The following GRIN2B variants were observed in gnomAD, a reference collection of about 807,000 sequenced individuals.
The protein encoded by GRIN2B is glutamate ionotropic receptor NMDA type subunit 2B.
A neutral mutation model predicts 114.5 loss-of-function variants in GRIN2B; 5 were observed. The observed-to-expected ratio is 0.04, with a 90% CI of 0.02 to 0.09. The LOEUF is 0.09. Ranked by LOEUF, GRIN2B falls within the 10% of genes least tolerant of loss-of-function variation. The pLI, the probability that GRIN2B is intolerant of heterozygous loss-of-function variation, is 1.00. For synonymous variants in GRIN2B, 787 were observed against 745.1 expected (o/e 1.06, Z -0.92); for missense variants, 1,108 against 1,943.5 (o/e 0.57, Z 8.08).
intron 2 of GRIN2B, among the ~76,000 whole-genome samples, chr12:13,892,455 C>T (rs1015661972): frequency 6.6e-6 from 1 of 152,182 alleles, no homozygotes; most frequent in Admixed American, 6.5e-5. Context: ...GATTTATCCT[C>T]CCTATGCTGG....
At position 13,617,256 on chromosome 12, in the gene GRIN2B, G is replaced by T. The variant is rs1805539; in HGVS notation, c.1126-599C>A. On this transcript the variant is annotated intron_variant, in intron 5 of 13. Transcript: ENST00000609686. ...GATTAAAGAATACTAACACTGTTTG[G>T]GAAGGGAGCACAGTTAGGCTGGGGA... is the stretch of plus-strand genomic sequence containing the variant. Among the ~76,000 whole-genome samples the T allele has an allele frequency of 3.9e-4, 59 of 152,172 alleles. 1 individual carries two copies. The East Asian group carries it at 0.01, about 26-fold the overall frequency.
Position 13,562,878 on chromosome 12 carries a change from G to A in GRIN2B, c.4360C>T (p.Pro1454Ser), listed in dbSNP as rs1948565765. ...KDICIGNQSN[P>S]CVPNNKNPRA... ...GGGTTTTTGTTGTTAGGCACACAGG[G>A]GTTGGACTGGTTCCCTATACAGATG... The change falls in exon 14 of 14, where the codon CCC becomes TCC. Residue 1454 changes from proline to serine, a missense_variant. By Grantham distance (74) the Pro-to-Ser change is moderately conservative. Around this residue, in one of 19 missense-constraint regions of GRIN2B, gnomAD observed 478 missense variants for 506.0 expected, o/e 0.94. Coordinates refer to ENST00000609686, the MANE Select transcript of GRIN2B (RefSeq NM_000834.5). The A allele has an allele frequency of 5.6e-6, 9 of 1,613,968 alleles. No individual in the cohort carries two copies. Among genetic ancestry groups the A allele is most frequent in the African/African-American group, 1.3e-5 (1 of 74,930 alleles).
chr12:13,740,013 C>T (rs983367154), intron 4 of GRIN2B, among the ~76,000 whole-genome samples: 1 of 152,102 alleles, frequency 6.6e-6, no homozygotes, highest in African/African-American at 2.4e-5. Context: ...TTTGAGTTTG[C>T]AGGTGGCCAA....
chr12:13,818,788 TTCATG>T (rs1864876895), intron 3 of GRIN2B, among the ~76,000 whole-genome samples: 1 of 152,202 alleles, frequency 6.6e-6, no homozygotes, highest in Non-Finnish European at 1.5e-5. Flanking sequence ...CTTTGGAGCC[TTCATG>T]AGTGTTTCAC....
At chr12:13,587,597 T>C (rs1025905618) in intron 10 of GRIN2B, among the ~76,000 whole-genome samples, 36 of 152,104 alleles carry the variant, frequency 2.4e-4, no homozygotes, top group African/African-American at 8.2e-4. Context: ...TCAAGTGATC[T>C]TCTCACCTCA....
intron 5 of GRIN2B, among the ~76,000 whole-genome samples, chr12:13,642,065 TG>T (rs1949722741): frequency 6.6e-6 from 1 of 152,046 alleles, no homozygotes. Context: ...AGCGCACACC[TG>T]TAATTTCAGC....
At chr12:13,752,719 C>T (rs575053938) in intron 4 of GRIN2B, among the ~76,000 whole-genome samples, 34 of 152,246 alleles carry the variant, frequency 2.2e-4, no homozygotes, top group Non-Finnish European at 4.1e-4. Context: ...GCATCCTCAC[C>T]CTTAAAGGCA....
intron 2 of GRIN2B, among the ~76,000 whole-genome samples, chr12:13,924,328 T>C (rs146015134): frequency 1.4e-4 from 21 of 151,836 alleles, no homozygotes; most frequent in East Asian, 1.2e-3. Context: ...GTGGGCAGAG[T>C]CTAAGGGAAC....
chr12:13,808,288 G>C (rs1198099877), intron 3 of GRIN2B, among the ~76,000 whole-genome samples: 1 of 152,068 alleles, frequency 6.6e-6, no homozygotes, highest in Non-Finnish European at 1.5e-5. Context: ...TTGCTAGTAA[G>C]AACAGAGTTA....
intron 4 of GRIN2B, among the ~76,000 whole-genome samples, chr12:13,715,340 T>G (rs578003928): frequency 2.0e-5 from 3 of 152,060 alleles, no homozygotes; most frequent in African/African-American, 7.2e-5. Flanking sequence ...ACATTCAAAT[T>G]AAACTTATTG....
At chr12:13,968,158 G>A (rs945854646) in intron 2 of GRIN2B, among the ~76,000 whole-genome samples, 13 of 152,168 alleles carry the variant, frequency 8.5e-5, no homozygotes, top group Non-Finnish European at 1.3e-4. Context: ...AGAATGCTGC[G>A]TACCTTGCCA....
chr12:13,737,667 T>C (rs1863209991), intron 4 of GRIN2B, among the ~76,000 whole-genome samples: 1 of 152,186 alleles, frequency 6.6e-6, no homozygotes, highest in Non-Finnish European at 1.5e-5. Context: ...TTGTGATAAA[T>C]GCTAGAGAGA....
intron 2 of GRIN2B, chr12:13,977,426 AC>A (rs778368313): frequency 6.6e-6 from 1 of 152,282 alleles, no homozygotes; most frequent in Non-Finnish European, 1.5e-5. Flanking sequence ...ATAGAAGATA[AC>A]CATGTTGTTC....
At chr12:13,745,728 A>G (rs1011490088) in intron 4 of GRIN2B, among the ~76,000 whole-genome samples, 2 of 152,202 alleles carry the variant, frequency 1.3e-5, no homozygotes, top group African/African-American at 4.8e-5. Flanking sequence ...ATGCTAAGGA[A>G]AGCTGAGCTT....
intron 8 of GRIN2B, 121 bp downstream of exon 8, chr12:13,614,993 G>A (rs1949417183): frequency 1.2e-6 from 1 of 868,978 alleles, no homozygotes; most frequent in African/African-American, 1.6e-5. Context: ...GTCCCTGGCT[G>A]AGTTGAGCTC....
At chr12:13,582,200 C>T (rs1395951634) in intron 10 of GRIN2B, among the ~76,000 whole-genome samples, 1 of 152,158 alleles carries the variant, frequency 6.6e-6, no homozygotes, top group Admixed American at 6.5e-5. Flanking sequence ...GAAAGTTAAA[C>T]CCTTCACCTC....
chr12:13,616,380 G>T, intron 6 of GRIN2B, 75 bp downstream of exon 6: 1 of 1,080,614 alleles, frequency 9.3e-7, no homozygotes, highest in Non-Finnish European at 1.4e-6. Flanking sequence ...TCAGGTCTCA[G>T]GCCAGCCAAG....
intron 2 of GRIN2B, among the ~76,000 whole-genome samples, chr12:13,898,314 G>A (rs1191296379): frequency 1.3e-5 from 2 of 152,194 alleles, no homozygotes; most frequent in Non-Finnish European, 2.9e-5. Flanking sequence ...ATTTAAGTAT[G>A]TGCCAGCCAC....
rs572292362 is a variant in GRIN2B at position 13,707,790 on chromosome 12, A to G, written c.1011-31931T>C. ...TTTAACTTAAATTTTTGTAAATCCT[A>G]TTGGAATATTTCTATTCAATGCCTG... On this transcript the variant is annotated intron_variant, in intron 4 of 13. Transcript: ENST00000609686. 8.5e-5 allele frequency among the ~76,000 whole-genome samples: 13 copies of G among 152,204 alleles called. No homozygotes were observed. The East Asian group carries it at 2.5e-3, about 29-fold the overall frequency.
Sources: allele counts gnomAD v4.1 joint callset (sites outside exome capture counted in the v4.1 genomes callset), GRCh38; gene constraint gnomAD v4.1.1; regional missense constraint gnomAD v4.1.1; transcripts MANE v1.5; gene names NCBI Gene and HGNC (gene_info 2026-07-23, HGNC 2026-07-21).